The following USP13 variants were observed in gnomAD, a reference collection of about 807,000 sequenced individuals.
The protein encoded by USP13 is ubiquitin carboxyl-terminal hydrolase 13.
USP13 carries 68 observed loss-of-function variants against 107.8 expected under a neutral mutation model. The observed-to-expected ratio is 0.63, with a 90% CI of 0.52 to 0.77. The LOEUF is 0.77. Among genes scored for constraint, USP13 ranks in the 30% least tolerant of loss-of-function variants. The probability of loss-of-function intolerance (pLI) is 0.00; values close to 1 mark genes in which losing one functional copy is unlikely to be tolerated. For synonymous variants in USP13, 377 were observed against 389.5 expected (o/e 0.97, Z 0.38); for missense variants, 945 against 1,093.3 (o/e 0.86, Z 1.91).
intron 12 of USP13, among the ~76,000 whole-genome samples, chr3:179,744,355 G>T (rs9854287): frequency 0.029 from 1,867 of 64,614 alleles, 43 homozygotes; most frequent in East Asian, 0.059. Context: ...TTTTTTTTTT[G>T]TTTTGTTTTG....
rs1346603291 is a variant in USP13 at position 179,788,259 on chromosome 3, T to C, written c.*4118T>C. The C allele has an allele frequency of 6.6e-6, 1 of 152,296 alleles. No individual in the cohort carries two copies. Among genetic ancestry groups the C allele is most frequent in the African/African-American group, 2.4e-5 (1 of 41,456 alleles). The allele number at this position is 152,296 out of a possible 1,614,324, so 9.4% of individuals were successfully genotyped here. A position where few individuals can be genotyped will look rare whatever the true frequency, so the allele number is the denominator to read the frequency against. On this transcript the variant is annotated 3_prime_UTR_variant, in exon 21 of 21. Transcript: ENST00000263966. ...CCAGGGGATGGGATTAGATAAAGTGTGATAATGTCCTTTAGATAAAAGAAA... is the reference window on the plus strand; with the variant it reads ...CCAGGGGATGGGATTAGATAAAGTGCGATAATGTCCTTTAGATAAAAGAAA...
chr3:179,658,863 G>A (rs546560363), intron 1 of USP13, among the ~76,000 whole-genome samples: 1 of 152,304 alleles, frequency 6.6e-6, no homozygotes, highest in Non-Finnish European at 1.5e-5. Flanking sequence ...GACAAGCTGA[G>A]CAGGACCAGC....
intron 3 of USP13, among the ~76,000 whole-genome samples, chr3:179,698,931 G>A (rs1576933766): frequency 6.7e-6 from 1 of 149,256 alleles, no homozygotes; most frequent in African/African-American, 2.5e-5. Context: ...GTGCAGTGGT[G>A]CAATCTCGGC....
intron 10 of USP13, among the ~76,000 whole-genome samples, chr3:179,732,806 G>C (rs1374985402): frequency 2.0e-5 from 3 of 152,166 alleles, no homozygotes; most frequent in African/African-American, 2.4e-5. Context: ...AGTAGTATCT[G>C]TTTGGAGCCC....
intron 6 of USP13, among the ~76,000 whole-genome samples, chr3:179,715,483 G>C (rs1369427453): frequency 6.6e-6 from 1 of 150,920 alleles, no homozygotes; most frequent in African/African-American, 2.4e-5. Flanking sequence ...TCCTGCCTCA[G>C]CCTCCCAAGT....
intron 1 of USP13, among the ~76,000 whole-genome samples, chr3:179,669,484 T>A (rs1560042408): frequency 6.6e-6 from 1 of 151,324 alleles, no homozygotes; most frequent in African/African-American, 2.4e-5. Context: ...AATAAATAAA[T>A]AAAAAAAATA....
intron 1 of USP13, among the ~76,000 whole-genome samples, chr3:179,667,500 T>G (rs1720621037): frequency 6.6e-6 from 1 of 152,224 alleles, no homozygotes; most frequent in Non-Finnish European, 1.5e-5. Context: ...CTGCTGCAGG[T>G]GCTCAGTTGA....
chr3:179,778,762 G>A (rs567715627), intron 19 of USP13, among the ~76,000 whole-genome samples: 29 of 150,540 alleles, frequency 1.9e-4, no homozygotes, highest in Non-Finnish European at 7.4e-5. Context: ...GCAAAACTCC[G>A]TCTCAAAGAA....
Position 179,760,615 on chromosome 3 carries a change from C to T in USP13, c.1949-497C>T, listed in dbSNP as rs149104300. Among the ~76,000 whole-genome samples the T allele has an allele frequency of 9.9e-4, 148 of 149,494 alleles. 2 individuals carry two copies. The East Asian group carries it at 0.022, about 22-fold the overall frequency. On this transcript the variant is annotated intron_variant, in intron 16 of 20. Coordinates refer to ENST00000263966, the MANE Select transcript of USP13 (RefSeq NM_003940.3). ...GTTTTAAGCTTGTATAATTAAAAAA[C>T]GAACTTTTTCCTTCTATACTTAACA...
chr3:179,737,102 G>T (rs1714020176), intron 10 of USP13, among the ~76,000 whole-genome samples: 2 of 151,960 alleles, frequency 1.3e-5, no homozygotes, highest in Non-Finnish European at 2.9e-5. Context: ...TTGAAGAAGG[G>T]TTATGCAGAC....
Position 179,742,059 on chromosome 3 carries a change from T to G in USP13, c.1381-138T>G. ...AAATTCCAGTGTTTTTCTATTAAAG[T>G]GCTTTGGTGAATGGGCATGGCCAGA... On this transcript the variant is annotated intron_variant, in intron 11 of 20. Transcript: ENST00000263966. The surrounding 1 kb of genome is among the most constrained non-coding windows in gnomAD (Gnocchi z 5.0). 1 of 1,005,432 alleles carries G rather than the reference T, an allele frequency of 9.9e-7. No homozygotes were observed. Among genetic ancestry groups the G allele is most frequent in the Non-Finnish European group, 1.4e-6 (1 of 709,566 alleles). The allele number at this position is 1,005,432 out of a possible 1,614,324, so 62.3% of individuals were successfully genotyped here.
At chr3:179,659,703 G>A (rs1191861512) in intron 1 of USP13, among the ~76,000 whole-genome samples, 1 of 152,142 alleles carries the variant, frequency 6.6e-6, no homozygotes, top group Non-Finnish European at 1.5e-5. Context: ...TAGGAGAGCT[G>A]GGATGTGAAT....
At chr3:179,670,684 T>C (rs1006789307) in intron 1 of USP13, among the ~76,000 whole-genome samples, 2 of 140,104 alleles carry the variant, frequency 1.4e-5, no homozygotes, top group African/African-American at 5.5e-5. Flanking sequence ...ATGCCTGTAA[T>C]CCAGCAATTT....
intron 1 of USP13, among the ~76,000 whole-genome samples, chr3:179,657,062 C>T (rs930762066): frequency 3.3e-5 from 5 of 152,198 alleles, no homozygotes; most frequent in African/African-American, 1.2e-4. Context: ...TGTTTGAATC[C>T]TATCTCCGTC....
At chr3:179,697,263 A>G (rs1230812439) in intron 3 of USP13, among the ~76,000 whole-genome samples, 1 of 152,270 alleles carries the variant, frequency 6.6e-6, no homozygotes, top group Non-Finnish European at 1.5e-5. Context: ...CTAATAAACT[A>G]CATTTTGCTA....
At chr3:179,702,882 A>G (rs561487574) in intron 4 of USP13, among the ~76,000 whole-genome samples, 1 of 152,334 alleles carries the variant, frequency 6.6e-6, no homozygotes, top group South Asian at 2.1e-4. Context: ...GCCTTGTTTA[A>G]TATAACTCTT....
In USP13 at chr3:179,779,549, A is replaced by G. The variant is rs1715669168; in HGVS notation, c.2414-2190A>G. The stretch of plus-strand genomic sequence containing the variant: ...CATGTCAAACAACAACAACAAAAAA[A>G]GAGAACAACAGAGTGCAGCCAGAAA... On this transcript the variant is annotated intron_variant, in intron 19 of 20. Coordinates refer to ENST00000263966, the MANE Select transcript of USP13 (RefSeq NM_003940.3). Among the ~76,000 whole-genome samples, 4 of 152,072 alleles carry G rather than the reference A, an allele frequency of 2.6e-5. No individual in the cohort carries two copies. The South Asian group carries it at 8.3e-4, about 32-fold the overall frequency.
At chr3:179,728,112 G>T (rs1363399325) in intron 8 of USP13, among the ~76,000 whole-genome samples, 1 of 99,964 alleles carries the variant, frequency 1.0e-5, no homozygotes, top group Non-Finnish European at 2.3e-5. Flanking sequence ...GCAGCTGGCC[G>T]GGCAGAGGGG....
At chr3:179,683,032 C>T (rs1711724620) in intron 2 of USP13, among the ~76,000 whole-genome samples, 1 of 151,328 alleles carries the variant, frequency 6.6e-6, no homozygotes, top group African/African-American at 2.4e-5. Context: ...AAATATTTGG[C>T]ACATCTCTTT....
Sources: gnomAD v4.1 joint callset for allele counts (sites outside exome capture counted in the v4.1 genomes callset) on GRCh38, gnomAD v4.1.1 for gene constraint, Gnocchi (gnomAD v3.1) non-coding constraint, MANE v1.5 for transcripts, NCBI Gene and HGNC (gene_info 2026-07-23, HGNC 2026-07-21) for gene names.